NLK: variants seen among roughly 807,000 people sequenced by gnomAD.
NLK encodes the protein serine/threonine-protein kinase NLK.
NLK carries 11 observed loss-of-function variants against 59.0 expected under a neutral mutation model. That is an observed-to-expected ratio of 0.19 (90% CI 0.12 to 0.31). The LOEUF (loss-of-function observed/expected upper bound fraction) is 0.31. Ranked by LOEUF, NLK falls within the 10% of genes least tolerant of loss-of-function variation. The pLI, the probability that NLK is intolerant of heterozygous loss-of-function variation, is 1.00. For missense variants in NLK, 410 were observed against 661.1 expected (o/e 0.62, Z 4.16); for synonymous variants, 235 against 235.9 (o/e 1.00, Z 0.03).
chr17:28,144,674 C>T (rs943707471), intron 3 of NLK, among the ~76,000 whole-genome samples: 6 of 152,130 alleles, frequency 3.9e-5, no homozygotes, highest in African/African-American at 1.4e-4. Flanking sequence ...GAGAGTTTAG[C>T]GAAGCTCATG....
intron 3 of NLK, among the ~76,000 whole-genome samples, chr17:28,158,503 T>C (rs887321795): frequency 1.6e-4 from 24 of 152,342 alleles, no homozygotes; most frequent in African/African-American, 5.5e-4. Flanking sequence ...AAAGTTTCTT[T>C]AATATAAATT....
chr17:28,113,577 A>G (rs937893274), intron 1 of NLK, among the ~76,000 whole-genome samples: 51 of 152,186 alleles, frequency 3.4e-4, no homozygotes, highest in Admixed American at 2.6e-4. Flanking sequence ...GTCTCTTAGC[A>G]TGCTAATGCA....
At chr17:28,146,416 T>C (rs1188469260) in intron 3 of NLK, among the ~76,000 whole-genome samples, 1 of 152,094 alleles carries the variant, frequency 6.6e-6, no homozygotes, top group South Asian at 2.1e-4. Flanking sequence ...ACGATGATGA[T>C]GATGATGATA....
chr17:28,204,203 A>G, the NLK span, among the ~76,000 whole-genome samples: 1 of 152,370 alleles, frequency 6.6e-6, no homozygotes, highest in South Asian at 2.1e-4. Context: ...CCAAGATCAC[A>G]CAGCTAGTCA....
chr17:28,186,075 A>G (rs1194323016), intron 8 of NLK, among the ~76,000 whole-genome samples: 1 of 152,256 alleles, frequency 6.6e-6, no homozygotes, highest in Non-Finnish European at 1.5e-5. Flanking sequence ...AGACTTAAAA[A>G]TGGAAGCATT....
At chr17:28,169,989 C>T (rs1200798725) in intron 6 of NLK, among the ~76,000 whole-genome samples, 4 of 151,900 alleles carry the variant, frequency 2.6e-5, no homozygotes, top group Non-Finnish European at 4.4e-5. Flanking sequence ...AAAATGTAGC[C>T]AGGTTAGGGA....
the NLK span, among the ~76,000 whole-genome samples, chr17:28,202,125 G>A: frequency 6.6e-6 from 1 of 152,178 alleles, no homozygotes; most frequent in Non-Finnish European, 1.5e-5. Context: ...GCCCGACTGG[G>A]CCACTCAGAC....
At chr17:28,047,952 A>C (rs954570251) in intron 1 of NLK, 5 of 398,316 alleles carry the variant, frequency 1.3e-5, no homozygotes, top group Non-Finnish European at 2.2e-5. Context: ...TTTCTCCACT[A>C]TCAGCCGAGA....
At chr17:28,152,802 T>C (rs1323776495) in intron 3 of NLK, among the ~76,000 whole-genome samples, 2 of 151,926 alleles carry the variant, frequency 1.3e-5, no homozygotes, top group East Asian at 3.9e-4. Flanking sequence ...TTTATTTTTT[T>C]TTGTAGAGAC....
chr17:28,122,861 A>C, intron 2 of NLK, 129 bp downstream of exon 2: 1 of 939,764 alleles, frequency 1.1e-6, no homozygotes, highest in South Asian at 1.6e-5. Flanking sequence ...TTTATGCCAA[A>C]TGTGAAAAGA....
chr17:28,094,133 A>T (rs1343085656), intron 1 of NLK, among the ~76,000 whole-genome samples: 2 of 152,330 alleles, frequency 1.3e-5, no homozygotes, highest in Middle Eastern at 3.4e-3. Context: ...AAATAAGATG[A>T]CTTGTTTTTA....
chr17:28,057,825 C>G (rs1909493594), intron 1 of NLK, among the ~76,000 whole-genome samples: 2 of 152,088 alleles, frequency 1.3e-5, no homozygotes, highest in South Asian at 4.1e-4. Context: ...GCCATTGTTT[C>G]CCCAAGGGTA....
At chr17:28,188,990 C>G (rs1172044744) in intron 8 of NLK, among the ~76,000 whole-genome samples, 2 of 151,838 alleles carry the variant, frequency 1.3e-5, no homozygotes, top group African/African-American at 2.4e-5. Flanking sequence ...GACACACACA[C>G]ACACACACAC....
At chr17:28,086,763 TG>T (rs1305053656) in intron 1 of NLK, among the ~76,000 whole-genome samples, 2 of 152,036 alleles carry the variant, frequency 1.3e-5, no homozygotes, top group African/African-American at 4.8e-5. Context: ...CTGAGAGTGG[TG>T]GCTCACGCCT....
chr17:28,144,595 C>A (rs1470316648), intron 3 of NLK, among the ~76,000 whole-genome samples: 2 of 152,196 alleles, frequency 1.3e-5, no homozygotes, highest in East Asian at 1.9e-4. Context: ...CATTATCATT[C>A]TCCTGAACTG....
chr17:28,144,703 C>CT (rs1326994784), intron 3 of NLK, among the ~76,000 whole-genome samples: 3 of 152,160 alleles, frequency 2.0e-5, no homozygotes, highest in Non-Finnish European at 4.4e-5. Context: ...TTTATTTGAT[C>CT]TTTTTTGTCA....
At chr17:28,153,874 T>C (rs1469678794) in intron 3 of NLK, among the ~76,000 whole-genome samples, 2 of 152,176 alleles carry the variant, frequency 1.3e-5, no homozygotes, top group African/African-American at 4.8e-5. Flanking sequence ...GTTAACATCC[T>C]TAATATGAGA....
At chr17:28,201,991 C>T in the NLK span, among the ~76,000 whole-genome samples, 3 of 151,692 alleles carry the variant, frequency 2.0e-5, no homozygotes, top group Non-Finnish European at 4.4e-5. Context: ...ACTCTGGCCT[C>T]GGTGACAGAG....
At chr17:28,146,379 A>T (rs1567727497) in intron 3 of NLK, among the ~76,000 whole-genome samples, 2 of 62,484 alleles carry the variant, frequency 3.2e-5, no homozygotes, top group African/African-American at 1.7e-4. Flanking sequence ...TCATATAACG[A>T]TGTTGATGAT....
Sources: gnomAD v4.1 joint callset for allele counts (sites outside exome capture counted in the v4.1 genomes callset) on GRCh38, gnomAD v4.1.1 for gene constraint, MANE v1.5 for transcripts, NCBI Gene and HGNC (gene_info 2026-07-23, HGNC 2026-07-21) for gene names.